Variants in SENP3 observed in about 807,000 individuals in gnomAD.
SENP3 encodes sentrin-specific protease 3.
SENP3 carries 11 observed loss-of-function variants against 66.2 expected under a neutral mutation model. The observed-to-expected ratio is 0.17, with a 90% CI of 0.10 to 0.28. The LOEUF (loss-of-function observed/expected upper bound fraction) is 0.28, where lower values mean the gene tolerates loss of function less well. Among genes scored for constraint, SENP3 ranks in the 10% least tolerant of loss-of-function variants. The pLI, the probability that SENP3 is intolerant of heterozygous loss-of-function variation, is 1.00. For synonymous variants in SENP3, 292 were observed against 277.6 expected, an observed-to-expected ratio of 1.05 and a Z score of -0.52; for missense variants, 548 against 743.7, an observed-to-expected ratio of 0.74 and a Z score of 3.06.
chr17:7,570,569 C>CT lies in SENP3; in HGVS notation c.1479+79dup. Reference sequence around the variant, plus strand: ...AAGGCATTGCAGGAAGAAGGGTGGGCTTTGGGTCTTTGAGGGGCGACCTGG... The same window carrying CT: ...AAGGCATTGCAGGAAGAAGGGTGGGCTTTTGGGTCTTTGAGGGGCGACCTGG... On this transcript the variant is annotated intron_variant, in intron 8 of 10. Transcript: ENST00000321337. This position sits in a 1 kb window ranked among gnomAD's most constrained non-coding sequence, Gnocchi z 5.4. 6.4e-7 allele frequency: 1 copy of CT among 1,572,216 alleles called. No individual in the cohort carries two copies. Among genetic ancestry groups the CT allele is most frequent in the South Asian group, 1.1e-5 (1 of 87,298 alleles).
At position 7,563,770 on chromosome 17, in the gene SENP3, T is replaced by G; in HGVS notation, c.694T>G (p.Ser232Ala). The G allele has an allele frequency of 6.2e-7, 1 of 1,603,982 alleles. No homozygotes were observed. The highest frequency in any genetic ancestry group is 2.3e-5 in the East Asian group (1 of 44,400). ...AGATGGACTCAGGTGGACTCCAAAG[T>G]CTCCTCTGGACCCTGACTCGGGTAA... is the stretch of plus-strand genomic sequence containing the variant. Reference protein sequence around the residue: ...EEDGLRWTPKSPLDPDSGLLS... With the variant: ...EEDGLRWTPKAPLDPDSGLLS... Residue 232 changes from serine to alanine, a missense_variant, in exon 2 of 11, where the codon TCT becomes GCT. Coordinates refer to ENST00000321337, the MANE Select transcript of SENP3 (RefSeq NM_015670.6).
chr17:7,569,398 A>AAAAAAAT (rs60828368), intron 7 of SENP3, among the ~76,000 whole-genome samples: 1 of 151,654 alleles, frequency 6.6e-6, no homozygotes, highest in Admixed American at 6.6e-5. Context: ...AAAAAAAAAA[A>AAAAAAAT]GATTTGTTTT....
chr17:7,570,621 A>G lies in SENP3; in HGVS notation c.1480-60A>G. On this transcript the variant is annotated intron_variant, in intron 8 of 10. Transcript: ENST00000321337. This position sits in a 1 kb window ranked among gnomAD's most constrained non-coding sequence, Gnocchi z 5.4. The stretch of plus-strand genomic sequence containing the variant: ...CATGGTGTCTGCCAGCACTGTACCC[A>G]CCATACTGTGTTCAATTGAGAAACT... 6.3e-7 allele frequency: 1 copy of G among 1,583,904 alleles called. No individual in the cohort carries two copies. Among genetic ancestry groups the G allele is most frequent in the South Asian group, 1.1e-5 (1 of 88,030 alleles).
At chr17:7,571,229 T>A (rs1314145973) in intron 10 of SENP3, 144 bp from the exon 11 acceptor site, 2 of 637,542 alleles carry the variant, frequency 3.1e-6, no homozygotes, top group Non-Finnish European at 5.5e-6. Flanking sequence ...AGCTTTAGAG[T>A]CAGGCTGTTT....
intron 2 of SENP3, chr17:7,564,422 C>A: frequency 1.3e-6 from 1 of 763,196 alleles, no homozygotes; most frequent in Non-Finnish European, 2.3e-6. Flanking sequence ...GGAACTCTCT[C>A]TCCATCCCTG....
intron 7 of SENP3, among the ~76,000 whole-genome samples, chr17:7,567,279 G>A (rs1190517586): frequency 6.6e-6 from 1 of 152,186 alleles, no homozygotes; most frequent in African/African-American, 2.4e-5. Flanking sequence ...CACTTTGGGA[G>A]GCCAACACGG....
chr17:7,565,396 C>A, intron 4 of SENP3, 44 bp from the exon 5 acceptor site: 1 of 1,606,448 alleles, frequency 6.2e-7, no homozygotes, highest in Non-Finnish European at 8.5e-7. Flanking sequence ...CTGTGTGCCC[C>A]AGCTGCATCA....
intron 7 of SENP3, among the ~76,000 whole-genome samples, chr17:7,568,168 G>A (rs549187813): frequency 6.6e-5 from 10 of 151,056 alleles, no homozygotes; most frequent in African/African-American, 2.4e-4. Context: ...GCCCCTCTAG[G>A]TGGCTTCATG....
chr17:7,565,057 T>C lies in SENP3; in HGVS notation c.1054T>C (p.Ser352Pro). 1 of 1,612,412 alleles carries C rather than the reference T, an allele frequency of 6.2e-7. No individual in the cohort carries two copies. Among genetic ancestry groups the C allele is most frequent in the East Asian group, 2.2e-5 (1 of 44,876 alleles). Reference sequence around the variant, plus strand: ...GGAGGACATTTTCCAGCAGGAGTTTTCCACCCCTTCCAGGTGAGGCTTGAA... The same window carrying C: ...GGAGGACATTTTCCAGCAGGAGTTTCCCACCCCTTCCAGGTGAGGCTTGAA... ...KLEDIFQQEF[S>P]TPSRKGLVLQ... is the part of the protein sequence containing the mutation. The change falls in exon 4 of 11, where the codon TCC (serine) becomes CCC (proline). Residue 352 changes from serine to proline, a missense_variant. Ser to Pro is a moderately conservative substitution (Grantham distance 74, BLOSUM62 -1). This residue lies in a region of SENP3 where 72 missense variants were observed against 137.9 expected (regional missense o/e 0.52). Coordinates refer to ENST00000321337, the MANE Select transcript of SENP3 (RefSeq NM_015670.6).
intron 2 of SENP3, among the ~76,000 whole-genome samples, chr17:7,564,086 G>C (rs2071247533): frequency 6.6e-6 from 1 of 152,132 alleles, no homozygotes; most frequent in African/African-American, 2.4e-5. Context: ...CAAAAATCCT[G>C]TCCACACGAA....
In SENP3 at chr17:7,570,255, A is replaced by C; in HGVS notation, c.1342-101A>C. On this transcript the variant is annotated intron_variant, in intron 7 of 10. Transcript: ENST00000321337. The surrounding 1 kb of genome is among the most constrained non-coding windows in gnomAD (Gnocchi z 5.4). ...TAGGCCTTGGGTCTTCTGTTCTTTC[A>C]CTTGGTTCCCTTACCTGTGTCTCTG... 1 of 1,425,954 alleles carries C rather than the reference A, an allele frequency of 7.0e-7. No homozygotes were observed. The highest frequency in any genetic ancestry group is 9.6e-7 in the Non-Finnish European group (1 of 1,043,754). 88.3% of individuals were successfully genotyped at this position (1,425,954 alleles called of 1,614,324 possible).
intron 6 of SENP3, 115 bp downstream of exon 6, chr17:7,565,879 G>C (rs1403788981): frequency 2.4e-6 from 2 of 846,902 alleles, no homozygotes; most frequent in Non-Finnish European, 3.8e-6. Flanking sequence ...TTCAGGGAGA[G>C]AGGTGGTAGT....
In SENP3 at chr17:7,571,899, ATATATATATAAAAATATAT is replaced by A. The variant is rs1367447978; in HGVS notation, c.*417_*435del. The A allele has an allele frequency of 1.5e-3, 21 of 14,384 alleles. 4 individuals carry two copies. The highest frequency in any genetic ancestry group is 0.071 in the Middle Eastern group (1 of 14). 0.9% of individuals were successfully genotyped at this position (14,384 alleles called of 1,614,324 possible). A position where few individuals can be genotyped will look rare whatever the true frequency, so the allele number is the denominator to read the frequency against. ...TATATATATATATATATATATATAT[ATATATATATAAAAATATAT>A]AAATGCCACGGTCCTGCTCTGGTCA... On this transcript the variant is annotated 3_prime_UTR_variant, in exon 11 of 11. Coordinates refer to ENST00000321337, the MANE Select transcript of SENP3 (RefSeq NM_015670.6).
chr17:7,570,620 CACCAT>C lies in SENP3; in HGVS notation c.1480-58_1480-54del. The C allele has an allele frequency of 6.3e-7, 1 of 1,581,922 alleles. No individual in the cohort carries two copies. The highest frequency in any genetic ancestry group is 8.6e-7 in the Non-Finnish European group (1 of 1,161,434). On this transcript the variant is annotated intron_variant, in intron 8 of 10. Transcript: ENST00000321337. This position sits in a 1 kb window ranked among gnomAD's most constrained non-coding sequence, Gnocchi z 5.4. ...GCATGGTGTCTGCCAGCACTGTACCCACCATACTGTGTTCAATTGAGAAACTTAGG... is the reference window on the plus strand; with the variant it reads ...GCATGGTGTCTGCCAGCACTGTACCCACTGTGTTCAATTGAGAAACTTAGG...
intron 2 of SENP3, chr17:7,564,368 A>G (rs1202405874): frequency 1.6e-6 from 1 of 639,290 alleles, no homozygotes; most frequent in Non-Finnish European, 2.8e-6. Context: ...CGAAGTTTTC[A>G]TTTCTAAATG....
chr17:7,568,117 T>C (rs1330812302), intron 7 of SENP3, among the ~76,000 whole-genome samples: 1 of 150,836 alleles, frequency 6.6e-6, no homozygotes, highest in Non-Finnish European at 1.5e-5. Flanking sequence ...GAATCTCCAG[T>C]GATGTGTGTT....
chr17:7,567,084 C>A, intron 7 of SENP3, 80 bp downstream of exon 7: 2 of 931,462 alleles, frequency 2.1e-6, no homozygotes, highest in South Asian at 2.8e-5. Flanking sequence ...AGCCCTTTCC[C>A]TGACCGTGTT....
chr17:7,562,973 A>G lies in SENP3; in HGVS notation c.-11-93A>G. ...GTTTTTTCCTCTTTTCTTTATTTGC[A>G]TCTGAATCCAGAGGAGGCATGGCCA... is the stretch of plus-strand genomic sequence containing the variant. On this transcript the variant is annotated intron_variant, in intron 1 of 10. Coordinates refer to ENST00000321337, the MANE Select transcript of SENP3 (RefSeq NM_015670.6). The surrounding 1 kb of genome is among the most constrained non-coding windows in gnomAD (Gnocchi z 5.0). 1 of 1,325,738 alleles carries G rather than the reference A, an allele frequency of 7.5e-7. No homozygotes were observed. The highest frequency in any genetic ancestry group is 9.6e-7 in the Non-Finnish European group (1 of 1,038,616). The allele number at this position is 1,325,738 out of a possible 1,614,324, so 82.1% of individuals were successfully genotyped here.
Position 7,571,740 on chromosome 17 carries a change from G to A in SENP3, c.*257G>A. On this transcript the variant is annotated 3_prime_UTR_variant, in exon 11 of 11. Coordinates refer to ENST00000321337, the MANE Select transcript of SENP3 (RefSeq NM_015670.6). Reference sequence around the variant, plus strand: ...AGTGTGGCCCTGTGGCCTGGGTGGAGCAGTCATCCTCCCCCTTCCCCGTGC... The same window carrying A: ...AGTGTGGCCCTGTGGCCTGGGTGGAACAGTCATCCTCCCCCTTCCCCGTGC... The A allele has an allele frequency of 3.3e-6, 1 of 299,708 alleles. No individual in the cohort carries two copies. Among genetic ancestry groups the A allele is most frequent in the Non-Finnish European group, 6.4e-6 (1 of 157,378 alleles). The allele number at this position is 299,708 out of a possible 1,614,324, so 18.6% of individuals were successfully genotyped here.
Sources: allele counts gnomAD v4.1 joint callset (sites outside exome capture counted in the v4.1 genomes callset), GRCh38; gene constraint gnomAD v4.1.1; regional missense constraint gnomAD v4.1.1; non-coding constraint Gnocchi (gnomAD v3.1); transcripts MANE v1.5; gene names NCBI Gene and HGNC (gene_info 2026-07-23, HGNC 2026-07-21).